FOXP1: variants seen among roughly 807,000 people sequenced by gnomAD.
FOXP1 encodes the protein forkhead box protein P1.
FOXP1 carries 15 observed loss-of-function variants against 98.2 expected under a neutral mutation model. The ratio of observed to expected loss-of-function variants is 0.15; its 90% confidence interval spans 0.10 to 0.24. The LOEUF (loss-of-function observed/expected upper bound fraction) is 0.24. Ranked by LOEUF, FOXP1 falls within the 10% of genes least tolerant of loss-of-function variation. The probability of loss-of-function intolerance (pLI) is 1.00; values close to 1 mark genes in which losing one functional copy is unlikely to be tolerated. For synonymous variants in FOXP1, 371 were observed against 314.5 expected, an observed-to-expected ratio of 1.18 and a Z score of -1.90; for missense variants, 633 against 848.5, an observed-to-expected ratio of 0.75 and a Z score of 3.15.
intron 12 of FOXP1, among the ~76,000 whole-genome samples, chr3:71,008,998 A>G (rs999194959): frequency 2.6e-5 from 4 of 151,976 alleles, no homozygotes; most frequent in Non-Finnish European, 4.4e-5. Flanking sequence ...GGCCTCTGTA[A>G]CAGTTACAGC....
chr3:71,293,973 CT>C (rs1163557409), intron 5 of FOXP1, among the ~76,000 whole-genome samples: 1 of 152,060 alleles, frequency 6.6e-6, no homozygotes, highest in Non-Finnish European at 1.5e-5. Context: ...TTTTAAATGC[CT>C]AGATGAACCT....
intron 4 of FOXP1, among the ~76,000 whole-genome samples, chr3:71,347,011 G>A (rs1432518130): frequency 2.0e-5 from 3 of 152,002 alleles, no homozygotes; most frequent in Non-Finnish European, 2.9e-5. Flanking sequence ...ACTCCAGCCT[G>A]GCAACAGAGC....
At position 71,583,664 on chromosome 3, in the gene FOXP1, A is replaced by T. The variant is rs2107920161; in HGVS notation, c.-540T>A. The T allele has an allele frequency of 2.0e-6, 2 of 983,106 alleles. No individual in the cohort carries two copies. The highest frequency in any genetic ancestry group is 9.5e-5 in the South Asian group (2 of 21,150). 60.9% of individuals were successfully genotyped at this position (983,106 alleles called of 1,614,324 possible). A position where few individuals can be genotyped will look rare whatever the true frequency, so the allele number is the denominator to read the frequency against. Reference sequence around the variant, plus strand: ...GCCCGCGCGCGCACCCCGCGCACACACTCACTCGCGCACACACGCGCGCAC... The same window carrying T: ...GCCCGCGCGCGCACCCCGCGCACACTCTCACTCGCGCACACACGCGCGCAC... On this transcript the variant is annotated 5_prime_UTR_variant, in exon 1 of 21. Transcript: ENST00000649528.
chr3:71,474,330 G>A (rs1419318646), intron 3 of FOXP1, among the ~76,000 whole-genome samples: 1 of 152,174 alleles, frequency 6.6e-6, no homozygotes, highest in Non-Finnish European at 1.5e-5. Flanking sequence ...AAAAGAACAA[G>A]AAGGTTTTTG....
At chr3:71,305,410 A>G (rs199958108) in intron 4 of FOXP1, among the ~76,000 whole-genome samples, 2 of 152,274 alleles carry the variant, frequency 1.3e-5, no homozygotes, top group East Asian at 3.9e-4. Flanking sequence ...TGTGCTATTA[A>G]TATCAATGAA....
chr3:71,481,107 G>T (rs767881231), intron 3 of FOXP1, among the ~76,000 whole-genome samples: 3 of 152,140 alleles, frequency 2.0e-5, no homozygotes, highest in Non-Finnish European at 4.4e-5. Flanking sequence ...AGAAATGAGG[G>T]CAACTTTGCT....
In FOXP1 at chr3:71,180,712, C is replaced by T. The variant is rs549100626; in HGVS notation, c.180+17490G>A. The stretch of plus-strand genomic sequence containing the variant: ...TTTTAAAAAGAAGAACCTGGGCTTA[C>T]ATATACAAACATTTTGCTAAATGAC... On this transcript the variant is annotated intron_variant, in intron 6 of 20. Transcript: ENST00000649528. 2.1e-4 allele frequency among the ~76,000 whole-genome samples: 32 copies of T among 152,220 alleles called. No individual in the cohort carries two copies. In the East Asian group the frequency reaches 6.0e-3, roughly 28 times the overall value.
At chr3:70,967,235 C>T (rs931514719) in intron 19 of FOXP1, among the ~76,000 whole-genome samples, 1 of 152,158 alleles carries the variant, frequency 6.6e-6, no homozygotes, top group Admixed American at 6.5e-5. Context: ...AAAGTAAAAG[C>T]CAAAAGAGTG....
In FOXP1 at chr3:71,074,486, C is replaced by G. The variant is rs183190735; in HGVS notation, c.283-20713G>C. 1.8e-4 allele frequency among the ~76,000 whole-genome samples: 28 copies of G among 152,268 alleles called. 1 individual carries two copies. The highest frequency in any genetic ancestry group is 3.8e-4 in the Non-Finnish European group (26 of 68,016). On this transcript the variant is annotated intron_variant, in intron 7 of 20. Transcript: ENST00000649528. ...AGGTGATTCACCCACATAGGCCTTCCAAAGTACTGGGATTACAGGCGTTGA... is the reference window on the plus strand; with the variant it reads ...AGGTGATTCACCCACATAGGCCTTCGAAAGTACTGGGATTACAGGCGTTGA...
intron 7 of FOXP1, among the ~76,000 whole-genome samples, chr3:71,085,735 C>CTTTTTTTTTTTTTTTTTTTTTTGTT (rs56318177): frequency 2.7e-5 from 1 of 37,038 alleles, no homozygotes; most frequent in Non-Finnish European, 4.7e-5. Flanking sequence ...CATTTATGGC[C>CTTTTTTTTTTTTTTTTTTTTTTGTT]TTTTTTTTTT....
intron 4 of FOXP1, among the ~76,000 whole-genome samples, chr3:71,354,270 T>C (rs1227358723): frequency 6.8e-6 from 1 of 147,248 alleles, no homozygotes; most frequent in Non-Finnish European, 1.5e-5. Flanking sequence ...AGAGCGAGAC[T>C]CCGTCTCCAG....
chr3:71,400,226 A>G (rs1484682852), intron 3 of FOXP1, among the ~76,000 whole-genome samples: 1 of 152,166 alleles, frequency 6.6e-6, no homozygotes, highest in East Asian at 1.9e-4. Flanking sequence ...TACCTGGCTG[A>G]TTCAACCCAG....
At chr3:71,188,619 T>G (rs1297211629) in intron 6 of FOXP1, among the ~76,000 whole-genome samples, 1 of 152,160 alleles carries the variant, frequency 6.6e-6, no homozygotes, top group East Asian at 1.9e-4. Context: ...GGTTTCGCCA[T>G]GTTGGCTAGG....
intron 3 of FOXP1, among the ~76,000 whole-genome samples, chr3:71,405,878 G>A (rs532334819): frequency 5.3e-5 from 8 of 151,932 alleles, no homozygotes; most frequent in East Asian, 3.9e-4. Context: ...ACAGGTGCCC[G>A]CCCCAACGCC....
At chr3:71,367,981 C>T (rs1269329056) in intron 3 of FOXP1, among the ~76,000 whole-genome samples, 3 of 152,152 alleles carry the variant, frequency 2.0e-5, no homozygotes, top group African/African-American at 7.2e-5. Flanking sequence ...TGGATTCAAA[C>T]GTGTTCACCA....
At chr3:71,327,640 G>A (rs1298474070) in intron 4 of FOXP1, among the ~76,000 whole-genome samples, 1 of 151,892 alleles carries the variant, frequency 6.6e-6, no homozygotes, top group Non-Finnish European at 1.5e-5. Context: ...GCCCGCCTCA[G>A]CCTCCCAAAG....
intron 12 of FOXP1, among the ~76,000 whole-genome samples, chr3:71,012,315 T>C (rs914285373): frequency 1.3e-5 from 2 of 152,294 alleles, no homozygotes; most frequent in South Asian, 2.1e-4. Flanking sequence ...TATATAAATA[T>C]GATTAGGCAA....
intron 7 of FOXP1, among the ~76,000 whole-genome samples, chr3:71,087,921 T>C (rs2055313091): frequency 6.6e-6 from 1 of 152,148 alleles, no homozygotes; most frequent in Admixed American, 6.5e-5. Flanking sequence ...TGTAAAATCT[T>C]TGTGGGGAGA....
At chr3:71,432,488 C>T (rs987154628) in intron 3 of FOXP1, among the ~76,000 whole-genome samples, 9 of 152,294 alleles carry the variant, frequency 5.9e-5, no homozygotes, top group South Asian at 4.1e-4. Context: ...TCCCTTTGGA[C>T]GCTTCCTTTT....
Sources: allele counts gnomAD v4.1 joint callset (sites outside exome capture counted in the v4.1 genomes callset), GRCh38; gene constraint gnomAD v4.1.1; transcripts MANE v1.5; gene names NCBI Gene and HGNC (gene_info 2026-07-23, HGNC 2026-07-21).